ADGRA2: variants seen among roughly 807,000 people sequenced by gnomAD.
ADGRA2 encodes adhesion G protein-coupled receptor A2.
In ADGRA2, 61 loss-of-function variants were observed where a neutral mutation model predicts 98.7. The observed-to-expected ratio is 0.62, with a 90% confidence interval of 0.50 to 0.76. The LOEUF is 0.76. Ranked by LOEUF, ADGRA2 falls within the 30% of genes least tolerant of loss-of-function variation. The pLI is 0.00. For missense variants in ADGRA2, 1,712 were observed against 1,860.0 expected (o/e 0.92, Z 1.46); for synonymous variants, 858 against 831.5 (o/e 1.03, Z -0.55).
At chr8:37,835,120 C>T (rs1403841813) in intron 11 of ADGRA2, 54 bp from the exon 12 acceptor site, 2 of 1,354,814 alleles carry the variant, frequency 1.5e-6, no homozygotes, top group South Asian at 2.4e-5. Context: ...ATGTGCAGTC[C>T]CAAGCAGAAG....
At chr8:37,806,345 A>G (rs1804658053) in intron 1 of ADGRA2, among the ~76,000 whole-genome samples, 1 of 152,170 alleles carries the variant, frequency 6.6e-6, no homozygotes, top group South Asian at 2.1e-4. Context: ...GGATGATTAC[A>G]GCAGACTATG....
chr8:37,835,489 G>A, intron 12 of ADGRA2, 65 bp from the exon 13 acceptor site: 3 of 1,495,916 alleles, frequency 2.0e-6, no homozygotes, highest in Non-Finnish European at 2.8e-6. Flanking sequence ...TGGGAGGAGG[G>A]GGCTGCAAGA....
At position 37,828,871 on chromosome 8, in the gene ADGRA2, T is replaced by A. The variant is rs1311120355; in HGVS notation, c.339-17T>A. ...CAGCGGGGAGAGGTGTGAGGGCCTC[T>A]GCACTTGCCTCTGCAGGGACCTGAG... On this transcript the variant is annotated splice_polypyrimidine_tract_variant and intron_variant, in intron 2 of 18. Coordinates refer to ENST00000412232, the MANE Select transcript of ADGRA2 (RefSeq NM_032777.10). 6.3e-7 allele frequency: 1 copy of A among 1,593,546 alleles called. No individual in the cohort carries two copies. The highest frequency in any genetic ancestry group is 8.5e-7 in the Non-Finnish European group (1 of 1,170,966).
intron 3 of ADGRA2, 50 bp downstream of exon 3, chr8:37,829,009 A>C: frequency 7.7e-7 from 1 of 1,306,810 alleles, no homozygotes; most frequent in Non-Finnish European, 1.0e-6. Context: ...CCGAGGGAGA[A>C]AGTCACCCCT....
Position 37,833,004 on chromosome 8 carries a change from C to T in ADGRA2, c.1098-6C>T, listed in dbSNP as rs1452785581. On this transcript the variant is annotated splice_region_variant and splice_polypyrimidine_tract_variant and intron_variant, in intron 8 of 18. Coordinates refer to ENST00000412232, the MANE Select transcript of ADGRA2 (RefSeq NM_032777.10). The stretch of plus-strand genomic sequence containing the variant: ...TTCATCGGCAACTTCCTGCCTCTCC[C>T]CCCAGGTGGCCCCGAACTCTGGCTG... 3 of 1,609,962 alleles carry T rather than the reference C, an allele frequency of 1.9e-6. No homozygotes were observed. The South Asian group carries it at 3.3e-5, about 18-fold the overall frequency.
chr8:37,806,380 T>A (rs548164352), intron 1 of ADGRA2, among the ~76,000 whole-genome samples: 67 of 152,306 alleles, frequency 4.4e-4, no homozygotes, highest in African/African-American at 1.6e-3. Flanking sequence ...GCCAGGATGC[T>A]GTGACCCCCA....
chr8:37,838,499 C>T (rs1335850576), intron 14 of ADGRA2, among the ~76,000 whole-genome samples: 7 of 152,100 alleles, frequency 4.6e-5, no homozygotes, highest in Non-Finnish European at 8.8e-5. Flanking sequence ...ATGATCCGCC[C>T]GCCTCAGCCT....
At chr8:37,803,889 G>A (rs960594408) in intron 1 of ADGRA2, among the ~76,000 whole-genome samples, 2 of 152,042 alleles carry the variant, frequency 1.3e-5, no homozygotes, top group African/African-American at 4.8e-5. Context: ...GGGAAGAGAA[G>A]GTCTCAGGGC....
chr8:37,800,827 T>C (rs772554525), intron 1 of ADGRA2, among the ~76,000 whole-genome samples: 1 of 152,240 alleles, frequency 6.6e-6, no homozygotes, highest in Non-Finnish European at 1.5e-5. Flanking sequence ...TATTTTTTCC[T>C]GCCACGAACA....
At position 37,830,610 on chromosome 8, in the gene ADGRA2, GCCCC is replaced by G; in HGVS notation, c.719-99_719-96del. 13 of 579,886 alleles carry G rather than the reference GCCCC, an allele frequency of 2.2e-5. No homozygotes were observed. Among genetic ancestry groups the G allele is most frequent in the East Asian group, 3.2e-5 (1 of 31,242 alleles). 35.9% of individuals were successfully genotyped at this position (579,886 alleles called of 1,614,324 possible). ...AGCTGGAGCAGGCTGCAGGCCGAGG[GCCCC>G]GCCCCGCCCCACCCCATCCTGCTGG... On this transcript the variant is annotated intron_variant, in intron 6 of 18. Transcript: ENST00000412232. This position sits in a 1 kb window ranked among gnomAD's most constrained non-coding sequence, Gnocchi z 4.8.
At chr8:37,835,106 A>G (rs1470880176) in intron 11 of ADGRA2, 68 bp from the exon 12 acceptor site, 12 of 1,130,472 alleles carry the variant, frequency 1.1e-5, no homozygotes, top group Admixed American at 1.9e-5. Context: ...GCCCATTGAG[A>G]GAGATGTGCA....
chr8:37,842,372 C>T lies in ADGRA2; in HGVS notation c.*17C>T, dbSNP rs1312122776. ...ACCGTCTAAGGTGGGGCGGGCGACG[C>T]GGTAGACGGGCTGGCCACGCGGCTC... On this transcript the variant is annotated 3_prime_UTR_variant, in exon 19 of 19. Transcript: ENST00000412232. The T allele has an allele frequency of 2.1e-6, 3 of 1,449,412 alleles. No individual in the cohort carries two copies. Among genetic ancestry groups the T allele is most frequent in the African/African-American group, 3.0e-5 (2 of 67,282 alleles). 89.8% of individuals were successfully genotyped at this position (1,449,412 alleles called of 1,614,324 possible).
At chr8:37,811,119 C>CAAAAAAAAAA (rs1158782949) in intron 1 of ADGRA2, among the ~76,000 whole-genome samples, 1 of 68,612 alleles carries the variant, frequency 1.5e-5, no homozygotes, top group African/African-American at 5.0e-5. Context: ...GTCTCAAAAA[C>CAAAAAAAAAA]AAAAAAAAAA....
chr8:37,839,324 G>A (rs1189062507), intron 15 of ADGRA2, 175 bp from the exon 16 acceptor site: 1 of 817,676 alleles, frequency 1.2e-6, no homozygotes. Flanking sequence ...CACCCATTGG[G>A]GTTGGAATCA....
rs1805763741 is a variant in ADGRA2, at chr8:37,840,749, A to T, written c.2658-11A>T. ...CCATCTCTGGGACCCCCAATCCCTCATTCCCTCCAGGTTCTATTTGATCGC... is the reference window on the plus strand; with the variant it reads ...CCATCTCTGGGACCCCCAATCCCTCTTTCCCTCCAGGTTCTATTTGATCGC... On this transcript the variant is annotated splice_polypyrimidine_tract_variant and intron_variant, in intron 17 of 18. Transcript: ENST00000412232. 3 of 1,505,696 alleles carry T rather than the reference A, an allele frequency of 2.0e-6. No homozygotes were observed. Among genetic ancestry groups the T allele is most frequent in the South Asian group, 2.3e-5 (2 of 88,092 alleles). The allele number at this position is 1,505,696 out of a possible 1,614,324, so 93.3% of individuals were successfully genotyped here.
chr8:37,839,601 C>A lies in ADGRA2; in HGVS notation c.2490C>A (p.Asn830Lys), dbSNP rs1217636556. The stretch of plus-strand genomic sequence containing the variant: ...TTGCGGGGGGCATCACACTCACCAA[C>A]TACCAGATGGTCTGCCAGGCGGTAA... ...AVFAGGITLT[N>K]YQMVCQAVGI... Residue 830 changes from asparagine (N) to lysine (K), a missense_variant, in exon 16 of 19, where the codon AAC (asparagine) becomes AAA (lysine). Coordinates refer to ENST00000412232, the MANE Select transcript of ADGRA2 (RefSeq NM_032777.10). 2 of 1,614,120 alleles carry A rather than the reference C, an allele frequency of 1.2e-6. No individual in the cohort carries two copies. Among genetic ancestry groups the A allele is most frequent in the Non-Finnish European group, 1.7e-6 (2 of 1,179,996 alleles).
intron 11 of ADGRA2, 139 bp from the exon 12 acceptor site, chr8:37,835,035 A>AG (rs1491042251): frequency 3.0e-4 from 170 of 567,494 alleles, no homozygotes; most frequent in Non-Finnish European, 4.2e-4. Context: ...TAAAAAAAAA[A>AG]AGAGAGAGAG....
chr8:37,829,161 A>AC (rs1200082661), intron 3 of ADGRA2, 100 bp from the exon 4 acceptor site: 7 of 895,104 alleles, frequency 7.8e-6, no homozygotes, highest in African/African-American at 1.9e-5. Flanking sequence ...TTTTCATCCC[A>AC]CCCCCCAACA....
rs773883917 is a variant in ADGRA2 at position 37,797,421 on chromosome 8, C to T, written c.153C>T (p.Pro51=). 8 of 1,428,532 alleles carry T rather than the reference C, an allele frequency of 5.6e-6. No individual in the cohort carries two copies. The highest frequency in any genetic ancestry group is 7.3e-6 in the Non-Finnish European group (8 of 1,089,508). The allele number at this position is 1,428,532 out of a possible 1,614,324, so 88.5% of individuals were successfully genotyped here. A position where few individuals can be genotyped will look rare whatever the true frequency, so the allele number is the denominator to read the frequency against. Residue 51 remains proline, a synonymous_variant, in exon 1 of 19, where the codon CCC becomes CCT. Coordinates refer to ENST00000412232, the MANE Select transcript of ADGRA2 (RefSeq NM_032777.10). The surrounding 1 kb of genome is among the most constrained non-coding windows in gnomAD (Gnocchi z 5.3). ...GCTGCAAGTGCTCGGGGGAGCGGCCCAAGGGGCTGAGCGGCGGCGTCCCTG... is the reference window on the plus strand; with the variant it reads ...GCTGCAAGTGCTCGGGGGAGCGGCCTAAGGGGCTGAGCGGCGGCGTCCCTG... The part of the protein sequence containing the change: ...IRSCKCSGER[P]KGLSGGVPGP...
Sources: allele counts gnomAD v4.1 joint callset (sites outside exome capture counted in the v4.1 genomes callset), GRCh38; gene constraint gnomAD v4.1.1; non-coding constraint Gnocchi (gnomAD v3.1); transcripts MANE v1.5; gene names NCBI Gene and HGNC (gene_info 2026-07-23, HGNC 2026-07-21).